Variants in MAGI1 observed in about 807,000 individuals in gnomAD.
MAGI1 encodes the protein membrane-associated guanylate kinase, WW and PDZ domain-containing protein 1.
Under a neutral mutation model 139.9 loss-of-function variants are expected in MAGI1, and 58 were observed. The observed-to-expected ratio is 0.41, with a 90% CI of 0.34 to 0.52. The LOEUF is 0.52. MAGI1 is among the 20% of genes least tolerant of loss of function. The pLI is 0.12. For missense variants in MAGI1, 1,874 were observed against 1,901.6 expected (o/e 0.99, Z 0.27); for synonymous variants, 812 against 737.9 (o/e 1.10, Z -1.63).
intron 1 of MAGI1, among the ~76,000 whole-genome samples, chr3:65,743,905 T>C (rs571072514): frequency 6.6e-6 from 1 of 152,048 alleles, no homozygotes; most frequent in East Asian, 1.9e-4. Context: ...ATAAAGATAA[T>C]ATATACTCAC....
intron 12 of MAGI1, among the ~76,000 whole-genome samples, chr3:65,402,686 T>A (rs1056825989): frequency 4.6e-5 from 7 of 152,246 alleles, no homozygotes; most frequent in Admixed American, 3.9e-4. Context: ...CCATGAGCCA[T>A]GCTGAGTTCA....
intron 1 of MAGI1, among the ~76,000 whole-genome samples, chr3:66,029,862 G>A (rs910348569): frequency 3.3e-5 from 5 of 152,132 alleles, no homozygotes; most frequent in Non-Finnish European, 7.4e-5. Flanking sequence ...TCCCTAACTC[G>A]ACAAGATCTT....
chr3:65,354,276 T>C lies in MAGI1; in HGVS notation c.*2102A>G, dbSNP rs1319582625. 1 of 152,636 alleles carries C rather than the reference T, an allele frequency of 6.6e-6. No individual in the cohort carries two copies. The highest frequency in any genetic ancestry group is 1.5e-5 in the Non-Finnish European group (1 of 68,036). The allele number at this position is 152,636 out of a possible 1,614,324, so 9.5% of individuals were successfully genotyped here. A position where few individuals can be genotyped will look rare whatever the true frequency, so the allele number is the denominator to read the frequency against. On this transcript the variant is annotated 3_prime_UTR_variant, in exon 23 of 23. Transcript: ENST00000402939. The stretch of plus-strand genomic sequence containing the variant: ...GTATGGAAAACTTTAATAATAAAAA[T>C]AGCATTCACAGACTTTTCCCTCCTT...
At chr3:65,399,661 C>G (rs1290833297) in intron 13 of MAGI1, among the ~76,000 whole-genome samples, 1 of 152,106 alleles carries the variant, frequency 6.6e-6, no homozygotes, top group Non-Finnish European at 1.5e-5. Flanking sequence ...GAATGCAGCC[C>G]AAGTAATTGG....
At chr3:65,625,125 G>A (rs935292239) in intron 1 of MAGI1, among the ~76,000 whole-genome samples, 18 of 152,036 alleles carry the variant, frequency 1.2e-4, no homozygotes, top group African/African-American at 3.1e-4. Context: ...TGCCCACCTC[G>A]GCGTCCCAAA....
chr3:65,587,572 C>T (rs1401367794), intron 2 of MAGI1, among the ~76,000 whole-genome samples: 1 of 150,524 alleles, frequency 6.6e-6, no homozygotes, highest in Non-Finnish European at 1.5e-5. Flanking sequence ...CAACCCCTAC[C>T]TCCTGGGCTT....
intron 2 of MAGI1, among the ~76,000 whole-genome samples, chr3:65,501,453 C>CAAAAAAA (rs35967662): frequency 0.012 from 942 of 80,242 alleles, 25 homozygotes; most frequent in Middle Eastern, 0.023. Context: ...GACTCTGTCT[C>CAAAAAAA]AAAAAAAAAA....
intron 1 of MAGI1, among the ~76,000 whole-genome samples, chr3:65,904,591 C>T (rs2061364008): frequency 6.6e-6 from 1 of 152,194 alleles, no homozygotes; most frequent in African/African-American, 2.4e-5. Flanking sequence ...ATGTAGCTTC[C>T]ACCATCCCTC....
At chr3:65,494,752 G>T (rs1952303645) in intron 2 of MAGI1, among the ~76,000 whole-genome samples, 1 of 152,206 alleles carries the variant, frequency 6.6e-6, no homozygotes, top group African/African-American at 2.4e-5. Flanking sequence ...TTAGCACTGT[G>T]CAGTCTCTGA....
At chr3:65,373,955 G>A (rs951445231) in intron 18 of MAGI1, among the ~76,000 whole-genome samples, 1 of 152,162 alleles carries the variant, frequency 6.6e-6, no homozygotes, top group African/African-American at 2.4e-5. Flanking sequence ...TTTTCCGTAA[G>A]GCACCGGCTA....
At chr3:65,934,720 T>C (rs2062965245) in intron 1 of MAGI1, among the ~76,000 whole-genome samples, 1 of 151,882 alleles carries the variant, frequency 6.6e-6, no homozygotes, top group Non-Finnish European at 1.5e-5. Context: ...CCTCTTATAT[T>C]GGGCCATTTA....
intron 3 of MAGI1, among the ~76,000 whole-genome samples, chr3:65,489,627 T>G (rs1186074634): frequency 6.6e-6 from 1 of 152,184 alleles, no homozygotes; most frequent in Non-Finnish European, 1.5e-5. Context: ...ATATACTCAT[T>G]CACTGGGACA....
intron 1 of MAGI1, among the ~76,000 whole-genome samples, chr3:65,813,699 A>G (rs1003558547): frequency 6.6e-6 from 1 of 152,232 alleles, no homozygotes; most frequent in Non-Finnish European, 1.5e-5. Context: ...AATAATGAGA[A>G]ATACGCAGAA....
At chr3:65,662,875 T>A (rs532156383) in intron 1 of MAGI1, among the ~76,000 whole-genome samples, 36 of 152,322 alleles carry the variant, frequency 2.4e-4, no homozygotes, top group African/African-American at 7.7e-4. Context: ...CTGCCCCTGG[T>A]AATCACTATT....
rs547101872 is a variant in MAGI1, at chr3:65,549,332, C to T, written c.431-55701G>A. The stretch of plus-strand genomic sequence containing the variant: ...TCCCTCTTCCTCATTCCCGCCCAGT[C>T]TCCTTCCTCCCTTCCTAACCCCCTC... On this transcript the variant is annotated intron_variant, in intron 2 of 22. Transcript: ENST00000402939. The T allele has an allele frequency of 1.1e-5, 8 of 710,354 alleles. No individual in the cohort carries two copies. In the South Asian group the frequency reaches 2.5e-4, roughly 22 times the overall value. The allele number at this position is 710,354 out of a possible 1,614,324, so 44.0% of individuals were successfully genotyped here. A position where few individuals can be genotyped will look rare whatever the true frequency, so the allele number is the denominator to read the frequency against.
rs1315057597 is a variant in MAGI1 at position 65,833,204 on chromosome 3, C to T, written c.313+204792G>A. On this transcript the variant is annotated intron_variant, in intron 1 of 22. Transcript: ENST00000402939. ...GTGATCTTGGGGTCACTGCAACCTC[C>T]GTCTCCCGGCTTCAAGAGATTCTCC... 4.6e-5 allele frequency among the ~76,000 whole-genome samples: 7 copies of T among 151,926 alleles called. No individual in the cohort carries two copies. The East Asian group carries it at 1.2e-3, about 25-fold the overall frequency.
At chr3:65,907,466 C>T (rs1325768544) in intron 1 of MAGI1, among the ~76,000 whole-genome samples, 2 of 152,168 alleles carry the variant, frequency 1.3e-5, no homozygotes, top group African/African-American at 2.4e-5. Context: ...CCCCCACACC[C>T]GCCTTCCCTG....
At chr3:65,414,741 A>G (rs1946057532) in intron 12 of MAGI1, among the ~76,000 whole-genome samples, 1 of 152,106 alleles carries the variant, frequency 6.6e-6, no homozygotes, top group South Asian at 2.1e-4. Flanking sequence ...TTTCATAAGA[A>G]AAAAAAGAGG....
intron 12 of MAGI1, among the ~76,000 whole-genome samples, chr3:65,406,058 T>C (rs990366342): frequency 1.3e-5 from 2 of 152,046 alleles, no homozygotes; most frequent in African/African-American, 4.8e-5. Flanking sequence ...ATGCAGCATA[T>C]TTCAGAACAT....
Sources: gnomAD v4.1 joint callset for allele counts (sites outside exome capture counted in the v4.1 genomes callset) on GRCh38, gnomAD v4.1.1 for gene constraint, MANE v1.5 for transcripts, NCBI Gene and HGNC (gene_info 2026-07-23, HGNC 2026-07-21) for gene names.